CAMK2D: variants seen among roughly 807,000 people sequenced by gnomAD.
CAMK2D encodes the protein calcium/calmodulin dependent protein kinase II delta, also known as calcium/calmodulin-dependent protein kinase type II subunit delta.
Under a neutral mutation model 84.0 loss-of-function variants are expected in CAMK2D, and 37 were observed. The ratio of observed to expected loss-of-function variants is 0.44; its 90% confidence interval spans 0.34 to 0.58. The LOEUF (loss-of-function observed/expected upper bound fraction) is 0.58, where lower values mean the gene tolerates loss of function less well. Ranked by LOEUF, CAMK2D falls within the 20% of genes least tolerant of loss-of-function variation. The probability of loss-of-function intolerance (pLI) is 0.02; values close to 1 mark genes in which losing one functional copy is unlikely to be tolerated. For missense variants in CAMK2D, 448 were observed against 652.5 expected (o/e 0.69, Z 3.41); for synonymous variants, 202 against 212.5 (o/e 0.95, Z 0.43).
At chr4:113,538,182 T>C (rs1380576347) in intron 6 of CAMK2D, among the ~76,000 whole-genome samples, 1 of 152,134 alleles carries the variant, frequency 6.6e-6, no homozygotes, top group Non-Finnish European at 1.5e-5. Flanking sequence ...CAGAGTACTA[T>C]GAGAAAGATA....
chr4:113,489,664 G>C (rs2097803709), intron 16 of CAMK2D, among the ~76,000 whole-genome samples: 1 of 149,562 alleles, frequency 6.7e-6, no homozygotes, highest in African/African-American at 2.5e-5. Context: ...CCCAGTAATG[G>C]GATGGCTGGG....
intron 4 of CAMK2D, among the ~76,000 whole-genome samples, chr4:113,556,345 G>A (rs2098664369): frequency 6.6e-6 from 1 of 152,174 alleles, no homozygotes; most frequent in Non-Finnish European, 1.5e-5. Flanking sequence ...GCAGAGAAGG[G>A]TAAGACAAGG....
intron 6 of CAMK2D, among the ~76,000 whole-genome samples, chr4:113,544,037 C>T (rs925187429): frequency 2.6e-5 from 4 of 152,076 alleles, no homozygotes; most frequent in Non-Finnish European, 5.9e-5. Flanking sequence ...ATGATCCACC[C>T]GCCTTAAGCA....
intron 8 of CAMK2D, among the ~76,000 whole-genome samples, chr4:113,519,447 A>C (rs1318289335): frequency 6.6e-6 from 1 of 152,194 alleles, no homozygotes; most frequent in Admixed American, 6.5e-5. Flanking sequence ...GAGTGTTTAC[A>C]AAAACATGTA....
Position 113,513,848 on chromosome 4 carries a change from A to G in CAMK2D, c.885T>C (p.Asn295=). The change falls in exon 11 of 21, where the codon AAT becomes AAC. Residue 295 remains asparagine (N), a synonymous_variant. Coordinates refer to ENST00000511664, the MANE Select transcript of CAMK2D (RefSeq NM_001321571.2). ...QETVDCLKKF[N]ARRKLKGAIL... ...TTCTTACCTTTAGTTTTCTTCTAGC[A>G]TTAAATTTCTTCAAGCAGTCTACAG... 2 of 1,565,882 alleles carry G rather than the reference A, an allele frequency of 1.3e-6. No homozygotes were observed. Among genetic ancestry groups the G allele is most frequent in the Non-Finnish European group, 8.8e-7 (1 of 1,138,166 alleles).
chr4:113,605,567 G>A (rs2098973360), intron 4 of CAMK2D, among the ~76,000 whole-genome samples: 1 of 152,148 alleles, frequency 6.6e-6, no homozygotes, highest in African/African-American at 2.4e-5. Flanking sequence ...ATAGCATGAA[G>A]GACATATCTC....
At chr4:113,684,378 G>A (rs1052685791) in intron 2 of CAMK2D, among the ~76,000 whole-genome samples, 1 of 151,988 alleles carries the variant, frequency 6.6e-6, no homozygotes, top group African/African-American at 2.4e-5. Context: ...AAATCTCTTA[G>A]GCAAACTCAT....
intron 7 of CAMK2D, among the ~76,000 whole-genome samples, chr4:113,532,924 C>A (rs1391850478): frequency 1.3e-5 from 2 of 151,774 alleles, no homozygotes; most frequent in Non-Finnish European, 2.9e-5. Context: ...TCTTAGAGCT[C>A]TCCTTAGTTA....
intron 4 of CAMK2D, among the ~76,000 whole-genome samples, chr4:113,602,601 T>G (rs2098957965): frequency 6.6e-6 from 1 of 152,224 alleles, no homozygotes; most frequent in African/African-American, 2.4e-5. Context: ...TTAATTATCC[T>G]CATCTATTTA....
At position 113,452,766 on chromosome 4, in the gene CAMK2D, T is replaced by A. The variant is rs2154097880; in HGVS notation, c.*1779A>T. The A allele has an allele frequency of 6.5e-6, 1 of 152,684 alleles. No homozygotes were observed. The highest frequency in any genetic ancestry group is 2.1e-4 in the South Asian group (1 of 4,822). The allele number at this position is 152,684 out of a possible 1,614,324, so 9.5% of individuals were successfully genotyped here. A position where few individuals can be genotyped will look rare whatever the true frequency, so the allele number is the denominator to read the frequency against. On this transcript the variant is annotated 3_prime_UTR_variant, in exon 21 of 21. Transcript: ENST00000511664. Reference sequence around the variant, plus strand: ...AGAGAAAAATGAGGCCATTATTTTTTCACAGATCTCATTGGCAGGTTAACA... The same window carrying A: ...AGAGAAAAATGAGGCCATTATTTTTACACAGATCTCATTGGCAGGTTAACA...
intron 16 of CAMK2D, among the ~76,000 whole-genome samples, chr4:113,490,526 C>T (rs144173153): frequency 0.73 from 77,698 of 105,944 alleles, 29,983 homozygotes; most frequent in African/African-American, 0.93. Context: ...ACCAGTACCA[C>T]GCTGTTTTGG....
In CAMK2D at chr4:113,669,188, G is replaced by T. The variant is rs143013226; in HGVS notation, c.161-7416C>A. 3.6e-3 allele frequency among the ~76,000 whole-genome samples: 545 copies of T among 152,226 alleles called. 4 individuals carry two copies. Among genetic ancestry groups the T allele is most frequent in the African/African-American group, 0.013 (526 of 41,540 alleles). On this transcript the variant is annotated intron_variant, in intron 2 of 20. Coordinates refer to ENST00000511664, the MANE Select transcript of CAMK2D (RefSeq NM_001321571.2). ...CTTGTTCAGTTGCAATTTAAGTGAAGATACAACCTATTGTAGTCCTTTTAA... is the reference window on the plus strand; with the variant it reads ...CTTGTTCAGTTGCAATTTAAGTGAATATACAACCTATTGTAGTCCTTTTAA...
Position 113,761,299 on chromosome 4 carries a change from C to CT in CAMK2D, c.-232dup. 2 of 1,422,620 alleles carry CT rather than the reference C, an allele frequency of 1.4e-6. No individual in the cohort carries two copies. The highest frequency in any genetic ancestry group is 3.0e-5 in the South Asian group (2 of 66,830). 88.1% of individuals were successfully genotyped at this position (1,422,620 alleles called of 1,614,324 possible). ...CCACAGTCCGCCGATCCTCCTCCTC[C>CT]TGCGGGCCTCGCTTCCTTCTTCTCC... On this transcript the variant is annotated 5_prime_UTR_variant, in exon 1 of 21. Coordinates refer to ENST00000511664, the MANE Select transcript of CAMK2D (RefSeq NM_001321571.2).
chr4:113,682,697 T>C (rs1265192726), intron 2 of CAMK2D, among the ~76,000 whole-genome samples: 1 of 152,200 alleles, frequency 6.6e-6, no homozygotes, highest in Non-Finnish European at 1.5e-5. Context: ...TATAATTTGA[T>C]ATTTATCTTA....
At chr4:113,653,588 T>C (rs1177780227) in intron 3 of CAMK2D, among the ~76,000 whole-genome samples, 8 of 152,148 alleles carry the variant, frequency 5.3e-5, no homozygotes, top group South Asian at 2.1e-4. Flanking sequence ...TCTGATGCCA[T>C]TGAAAAAGAC....
chr4:113,722,129 T>G (rs1452668899), intron 2 of CAMK2D, among the ~76,000 whole-genome samples: 1 of 151,920 alleles, frequency 6.6e-6, no homozygotes, highest in Non-Finnish European at 1.5e-5. Context: ...CTTAAGAGAG[T>G]ATAGAAAAAG....
At chr4:113,740,699 T>A (rs1176961359) in intron 2 of CAMK2D, among the ~76,000 whole-genome samples, 1 of 152,068 alleles carries the variant, frequency 6.6e-6, no homozygotes, top group African/African-American at 2.4e-5. Context: ...TAGTCATGCT[T>A]CCTCACTTTC....
intron 18 of CAMK2D, among the ~76,000 whole-genome samples, chr4:113,458,997 T>A (rs1349223311): frequency 6.6e-6 from 1 of 152,212 alleles, no homozygotes; most frequent in African/African-American, 2.4e-5. Flanking sequence ...CTGAAGGATT[T>A]CTGCAGGATG....
chr4:113,591,201 A>G (rs2098878202), intron 4 of CAMK2D, among the ~76,000 whole-genome samples: 1 of 152,126 alleles, frequency 6.6e-6, no homozygotes, highest in Admixed American at 6.6e-5. Context: ...AAAAAAGGGA[A>G]TAAGTACCTA....
Sources: gnomAD v4.1 joint callset for allele counts (sites outside exome capture counted in the v4.1 genomes callset) on GRCh38, gnomAD v4.1.1 for gene constraint, MANE v1.5 for transcripts, NCBI Gene and HGNC (gene_info 2026-07-23, HGNC 2026-07-21) for gene names.